The following MEGF11 variants were observed in gnomAD, a reference collection of about 807,000 sequenced individuals.
MEGF11 encodes multiple EGF like domains 11, also known as multiple epidermal growth factor-like domains protein 11.
MEGF11 carries 126 observed loss-of-function variants against 146.6 expected under a neutral mutation model. The ratio of observed to expected loss-of-function variants is 0.86; its 90% CI spans 0.74 to 1.00. MEGF11 has a LOEUF of 1.00. Among genes scored for constraint, MEGF11 ranks in the 50% least tolerant of loss-of-function variants. The pLI is 0.00. For missense variants in MEGF11, 1,509 were observed against 1,521.2 expected, an observed-to-expected ratio of 0.99 and a Z score of 0.13; for synonymous variants, 532 against 583.4, an observed-to-expected ratio of 0.91 and a Z score of 1.27.
intron 4 of MEGF11, among the ~76,000 whole-genome samples, chr15:66,094,780 G>T (rs186374219): frequency 6.6e-6 from 1 of 152,150 alleles, no homozygotes; most frequent in Non-Finnish European, 1.5e-5. Flanking sequence ...TTCCTGCAAC[G>T]TTTAACAACA....
At chr15:66,108,285 G>A (rs1192249318) in intron 4 of MEGF11, among the ~76,000 whole-genome samples, 1 of 152,212 alleles carries the variant, frequency 6.6e-6, no homozygotes, top group African/African-American at 2.4e-5. Flanking sequence ...CAGCAGTGGG[G>A]CAAGGCAGGA....
chr15:66,218,992 A>AAAAAAAAAAAC lies in MEGF11; in HGVS notation c.-9+34612_-9+34613insGTTTTTTTTTT, dbSNP rs1163004634. ...GATATCCACAGGCAAAAAAAAAAAA[A>AAAAAAAAAAAC]AAAACCTTAACCTAAACCTTATCTA... On this transcript the variant is annotated intron_variant, in intron 1 of 25. Coordinates refer to ENST00000395614, the MANE Select transcript of MEGF11 (RefSeq NM_001385028.1). Among the ~76,000 whole-genome samples, 13 of 151,314 alleles carry AAAAAAAAAAAC rather than the reference A, an allele frequency of 8.6e-5. 2 individuals carry two copies. Among genetic ancestry groups the AAAAAAAAAAAC allele is most frequent in the African/African-American group, 2.9e-4 (12 of 41,074 alleles).
At chr15:65,957,162 T>TA (rs1157432076) in intron 10 of MEGF11, among the ~76,000 whole-genome samples, 2 of 152,216 alleles carry the variant, frequency 1.3e-5, no homozygotes, top group African/African-American at 4.8e-5. Flanking sequence ...TGAAGCCATT[T>TA]AAAATGATAA....
Position 65,896,971 on chromosome 15 carries a change from C to G in MEGF11, c.*963G>C, listed in dbSNP as rs2078370023. On this transcript the variant is annotated 3_prime_UTR_variant, in exon 26 of 26. Coordinates refer to ENST00000395614, the MANE Select transcript of MEGF11 (RefSeq NM_001385028.1). ...TTTAGGTTTCATACTACGTCAATCT[C>G]AAGATTTATGAAGAACTTGAAAGCA... The G allele has an allele frequency of 6.6e-6, 1 of 152,186 alleles. No homozygotes were observed. The highest frequency in any genetic ancestry group is 2.4e-5 in the African/African-American group (1 of 41,448). 9.4% of individuals were successfully genotyped at this position (152,186 alleles called of 1,614,324 possible).
rs989508575 is a variant in MEGF11 at position 65,971,688 on chromosome 15, A to G, written c.763-999T>C. Reference sequence around the variant, plus strand: ...AAAGATATTGATAGTTGAGGGTCCCATCAGTCAACACGCCTGACATCTCCC... The same window carrying G: ...AAAGATATTGATAGTTGAGGGTCCCGTCAGTCAACACGCCTGACATCTCCC... On this transcript the variant is annotated intron_variant, in intron 7 of 25. Coordinates refer to ENST00000395614, the MANE Select transcript of MEGF11 (RefSeq NM_001385028.1). 3.9e-5 allele frequency among the ~76,000 whole-genome samples: 6 copies of G among 152,216 alleles called. No individual in the cohort carries two copies. The South Asian group carries it at 6.2e-4, about 16-fold the overall frequency.
chr15:66,240,157 C>T (rs370542896), intron 1 of MEGF11, among the ~76,000 whole-genome samples: 16 of 152,306 alleles, frequency 1.1e-4, no homozygotes, highest in South Asian at 4.1e-4. Flanking sequence ...CTGGGGAACC[C>T]AAAATCTGCT....
chr15:66,252,598 G>C (rs2092391182), intron 1 of MEGF11, among the ~76,000 whole-genome samples: 1 of 152,178 alleles, frequency 6.6e-6, no homozygotes, highest in African/African-American at 2.4e-5. Context: ...GGGGGCTCTG[G>C]GCACCGCCAC....
intron 5 of MEGF11, among the ~76,000 whole-genome samples, chr15:66,034,640 G>C (rs769372012): frequency 6.6e-6 from 1 of 151,970 alleles, no homozygotes; most frequent in African/African-American, 2.4e-5. Flanking sequence ...GGATGGTCTC[G>C]AACTCCTGAA....
intron 5 of MEGF11, among the ~76,000 whole-genome samples, chr15:66,052,371 G>A (rs2084485830): frequency 6.6e-6 from 1 of 152,170 alleles, no homozygotes; most frequent in South Asian, 2.1e-4. Flanking sequence ...CAGTCAAGGA[G>A]CTCCACAGAA....
chr15:65,919,704 T>TA (rs1469345369), intron 15 of MEGF11, among the ~76,000 whole-genome samples: 1 of 152,198 alleles, frequency 6.6e-6, no homozygotes, highest in Non-Finnish European at 1.5e-5. Context: ...AATCTCGGCT[T>TA]ACTGCAACCT....
chr15:66,198,602 C>T (rs1429753114), intron 1 of MEGF11, among the ~76,000 whole-genome samples: 1 of 152,246 alleles, frequency 6.6e-6, no homozygotes, highest in Non-Finnish European at 1.5e-5. Flanking sequence ...TCTCCTGCCT[C>T]AGCCTCCCTA....
At chr15:66,018,574 C>T (rs1054395597) in intron 5 of MEGF11, among the ~76,000 whole-genome samples, 3 of 152,156 alleles carry the variant, frequency 2.0e-5, no homozygotes, top group Non-Finnish European at 2.9e-5. Flanking sequence ...AGCCCACGAC[C>T]GTGAATGACT....
At chr15:66,176,875 G>A (rs2090400718) in intron 1 of MEGF11, among the ~76,000 whole-genome samples, 1 of 147,644 alleles carries the variant, frequency 6.8e-6, no homozygotes, top group East Asian at 1.9e-4. Context: ...GACAGGAACA[G>A]TCAAGCTAAC....
chr15:65,916,534 T>A, intron 17 of MEGF11: 1 of 652,202 alleles, frequency 1.5e-6, no homozygotes, highest in Non-Finnish European at 2.6e-6. Context: ...GGACACAGGC[T>A]GCTCCTCCCC....
rs747669448 is a variant in MEGF11 at position 65,980,820 on chromosome 15, G to T, written c.720C>A (p.Cys240Ter). 1 of 1,606,008 alleles carries T rather than the reference G, an allele frequency of 6.2e-7. No homozygotes were observed. Among genetic ancestry groups the T allele is most frequent in the African/African-American group, 1.3e-5 (1 of 74,934 alleles). Residue 240 changes from cysteine (C) to a stop codon, truncating the protein, a stop_gained, in exon 7 of 26, where the codon TGC becomes TGA. Transcript: ENST00000395614. LOFTEE classifies it high-confidence loss of function. ...LRCPCQNGGT[C>*]HHITGECACP... ...AGGCACACTCGCCAGTGATGTGGTG[G>T]CAGGTGCCCCCATTCTGACAGGGGC...
At chr15:66,032,754 G>A (rs1041355790) in intron 5 of MEGF11, among the ~76,000 whole-genome samples, 8 of 152,236 alleles carry the variant, frequency 5.3e-5, no homozygotes, top group South Asian at 2.1e-4. Context: ...TGCAAAGCAC[G>A]CAGCCTGCTG....
chr15:65,932,548 G>A (rs1272054532), intron 10 of MEGF11, among the ~76,000 whole-genome samples: 1 of 152,072 alleles, frequency 6.6e-6, no homozygotes, highest in Non-Finnish European at 1.5e-5. Context: ...GGGGTAAAGG[G>A]GATCCAGGTA....
At chr15:66,164,720 C>A (rs1366399372) in intron 1 of MEGF11, among the ~76,000 whole-genome samples, 1 of 152,220 alleles carries the variant, frequency 6.6e-6, no homozygotes, top group Non-Finnish European at 1.5e-5. Context: ...TTTCTGGAGG[C>A]CACTCCCTTC....
At chr15:65,924,334 C>T (rs1320830762) in intron 13 of MEGF11, among the ~76,000 whole-genome samples, 1 of 108,322 alleles carries the variant, frequency 9.2e-6, no homozygotes, top group Non-Finnish European at 1.7e-5. Flanking sequence ...AGATGCCACT[C>T]TCTGGGAAAT....
Sources: gnomAD v4.1 joint callset for allele counts (sites outside exome capture counted in the v4.1 genomes callset) on GRCh38, gnomAD v4.1.1 for gene constraint, MANE v1.5 for transcripts, NCBI Gene and HGNC (gene_info 2026-07-23, HGNC 2026-07-21) for gene names.